The following PTH2R variants were observed in gnomAD, a reference collection of about 807,000 sequenced individuals.
PTH2R encodes the protein PTH2 receptor.
In PTH2R, 59 loss-of-function variants were observed where a neutral mutation model predicts 60.3. That is an observed-to-expected ratio of 0.98 (90% CI 0.79 to 1.22). PTH2R has a LOEUF of 1.22. Ranked by LOEUF, PTH2R falls within the 50% of genes most tolerant of loss-of-function variation. PTH2R has a pLI of 0.00. For missense variants in PTH2R, 749 were observed against 682.6 expected (o/e 1.10, Z -1.08); for synonymous variants, 256 against 243.8 (o/e 1.05, Z -0.47).
Position 208,444,256 on chromosome 2 carries a change from T to A in PTH2R, c.700-478T>A, listed in dbSNP as rs927784993. Among the ~76,000 whole-genome samples the A allele has an allele frequency of 2.0e-5, 3 of 152,294 alleles. No individual in the cohort carries two copies. In the East Asian group the frequency reaches 5.8e-4, roughly 29 times the overall value. The stretch of plus-strand genomic sequence containing the variant: ...CTAGCCGAGACAAGCCTAGCCCAGA[T>A]CAGCCGAACTACCCAGCCCATCCAC... On this transcript the variant is annotated intron_variant, in intron 6 of 12. Coordinates refer to ENST00000272847, the MANE Select transcript of PTH2R (RefSeq NM_005048.4).
At chr2:208,385,480 G>C (rs952695452) in intron 1 of PTH2R, among the ~76,000 whole-genome samples, 7 of 152,156 alleles carry the variant, frequency 4.6e-5, no homozygotes, top group Non-Finnish European at 1.0e-4. Flanking sequence ...TTCTAAAAAT[G>C]TTCTTAGGCT....
chr2:208,365,949 T>C (rs1559198772), intron 1 of PTH2R, among the ~76,000 whole-genome samples: 2 of 20,910 alleles, frequency 9.6e-5, no homozygotes, highest in Non-Finnish European at 2.2e-4. Context: ...TATATATATA[T>C]ATATATATAT....
chr2:208,463,255 C>T (rs561908396), intron 9 of PTH2R, among the ~76,000 whole-genome samples: 170 of 152,252 alleles, frequency 1.1e-3, no homozygotes, highest in Non-Finnish European at 2.0e-3. Context: ...CCTGAACATG[C>T]TACACTGTTC....
At chr2:208,376,532 A>G (rs1310537378) in intron 1 of PTH2R, among the ~76,000 whole-genome samples, 3 of 152,146 alleles carry the variant, frequency 2.0e-5, no homozygotes, top group Admixed American at 6.5e-5. Flanking sequence ...TGAATTGATC[A>G]GCAGAAATTT....
chr2:208,433,045 T>C (rs1288796478), intron 2 of PTH2R, among the ~76,000 whole-genome samples: 1 of 152,032 alleles, frequency 6.6e-6, no homozygotes, highest in Non-Finnish European at 1.5e-5. Context: ...ATATTAATCA[T>C]CACAAAGACA....
At chr2:208,397,366 A>G (rs1574836945) in intron 1 of PTH2R, among the ~76,000 whole-genome samples, 1 of 152,124 alleles carries the variant, frequency 6.6e-6, no homozygotes, top group Non-Finnish European at 1.5e-5. Flanking sequence ...GCTTACTCCC[A>G]TACTTACCAC....
rs562037921 is a variant in PTH2R, at chr2:208,415,428, G to A, written c.75+8310G>A. Among the ~76,000 whole-genome samples, 153 of 152,280 alleles carry A rather than the reference G, an allele frequency of 1.0e-3. 1 individual carries two copies. Among genetic ancestry groups the A allele is most frequent in the Middle Eastern group, 3.4e-3 (1 of 294 alleles). ...ACCGCTTCGCATGGCTGTTTGGTGC[G>A]TTCTGAATTGCAGTGACTCAGTCAT... On this transcript the variant is annotated intron_variant, in intron 1 of 12. Transcript: ENST00000272847.
intron 2 of PTH2R, among the ~76,000 whole-genome samples, chr2:208,436,566 C>G (rs1702078903): frequency 1.3e-5 from 2 of 152,118 alleles, no homozygotes. Flanking sequence ...TCATTGGGAA[C>G]TGGTGCCCCA....
intron 7 of PTH2R, 108 bp downstream of exon 7, chr2:208,444,995 C>T: frequency 8.6e-7 from 1 of 1,159,252 alleles, no homozygotes; most frequent in South Asian, 1.8e-5. Flanking sequence ...AACAATCCCT[C>T]CCATTCTTAT....
chr2:208,437,923 G>T, intron 4 of PTH2R, 42 bp downstream of exon 4: 1 of 1,586,440 alleles, frequency 6.3e-7, no homozygotes, highest in South Asian at 1.1e-5. Context: ...AGGGAAAGCA[G>T]AATAATATTT....
At chr2:208,490,921 G>T (rs762573261) in intron 12 of PTH2R, among the ~76,000 whole-genome samples, 10 of 152,188 alleles carry the variant, frequency 6.6e-5, no homozygotes, top group Non-Finnish European at 1.3e-4. Context: ...AAAGCAACTT[G>T]TTGGAATACA....
At chr2:208,440,170 T>C (rs1418643426) in intron 4 of PTH2R, among the ~76,000 whole-genome samples, 1 of 152,210 alleles carries the variant, frequency 6.6e-6, no homozygotes, top group Non-Finnish European at 1.5e-5. Context: ...CTGGGCATAG[T>C]GGCCTGTGTC....
At chr2:208,412,986 T>C (rs1701570626) in intron 1 of PTH2R, among the ~76,000 whole-genome samples, 1 of 152,156 alleles carries the variant, frequency 6.6e-6, no homozygotes, top group Non-Finnish European at 1.5e-5. Flanking sequence ...CTGTCTTATG[T>C]ACTCATTCTC....
At chr2:208,473,795 G>T (rs1313868922) in intron 9 of PTH2R, among the ~76,000 whole-genome samples, 2 of 152,040 alleles carry the variant, frequency 1.3e-5, no homozygotes, top group Non-Finnish European at 2.9e-5. Flanking sequence ...CCACATGTAG[G>T]TACCTTACAA....
intron 1 of PTH2R, among the ~76,000 whole-genome samples, chr2:208,379,619 G>A (rs1287045580): frequency 1.5e-5 from 2 of 132,618 alleles, no homozygotes; most frequent in Admixed American, 8.2e-5. Flanking sequence ...TAGCACTTTC[G>A]GAGGCCCAGG....
At chr2:208,389,459 A>G (rs532038073) in intron 1 of PTH2R, among the ~76,000 whole-genome samples, 72 of 152,346 alleles carry the variant, frequency 4.7e-4, no homozygotes, top group African/African-American at 1.6e-3. Flanking sequence ...ATTAACTCAT[A>G]AACACCAAAA....
intron 10 of PTH2R, among the ~76,000 whole-genome samples, chr2:208,486,024 A>T (rs1359388483): frequency 3.3e-5 from 5 of 152,194 alleles, no homozygotes; most frequent in African/African-American, 4.8e-5. Flanking sequence ...CAGCCCCGCA[A>T]CTGCAAGAAT....
intron 2 of PTH2R, among the ~76,000 whole-genome samples, chr2:208,428,728 G>A (rs1247850165): frequency 6.6e-6 from 1 of 152,176 alleles, no homozygotes; most frequent in African/African-American, 2.4e-5. Flanking sequence ...GCAAATAATT[G>A]TGATTGATTT....
At chr2:208,459,868 C>G (rs750731819) in intron 8 of PTH2R, 27 bp from the exon 9 acceptor site, 1 of 1,608,568 alleles carries the variant, frequency 6.2e-7, no homozygotes, top group East Asian at 2.2e-5. Flanking sequence ...CCAATTTATT[C>G]ATGACAGCTT....
Sources: allele counts gnomAD v4.1 joint callset (sites outside exome capture counted in the v4.1 genomes callset), GRCh38; gene constraint gnomAD v4.1.1; transcripts MANE v1.5; gene names NCBI Gene and HGNC (gene_info 2026-07-23, HGNC 2026-07-21).